Variants in ATP6V1E1 observed in about 807,000 individuals in gnomAD.
ATP6V1E1 encodes ATPase H+ transporting V1 subunit E1.
ATP6V1E1 carries 21 observed loss-of-function variants against 35.2 expected under a neutral mutation model. That is an observed-to-expected ratio of 0.60 (90% CI 0.42 to 0.86). The LOEUF is 0.86. ATP6V1E1 is among the 40% of genes least tolerant of loss of function. The pLI is 0.00. For missense variants in ATP6V1E1, 183 were observed against 272.6 expected (o/e 0.67, Z 2.32); for synonymous variants, 83 against 87.8 (o/e 0.95, Z 0.30).
chr22:17,608,858 G>A (rs1031181442), intron 4 of ATP6V1E1, among the ~76,000 whole-genome samples: 4 of 152,142 alleles, frequency 2.6e-5, no homozygotes, highest in African/African-American at 4.8e-5. Context: ...AGGCCGAGGC[G>A]GGCAGATCAC....
chr22:17,612,587 T>C, intron 4 of ATP6V1E1: 1 of 485,248 alleles, frequency 2.1e-6, no homozygotes, highest in Non-Finnish European at 3.7e-6. Flanking sequence ...GGTCCACCCA[T>C]AGTGTGTGCT....
rs35683311 is a variant in ATP6V1E1 at position 17,594,620 on chromosome 22, C to CAA, written c.531-6_531-5dup. On this transcript the variant is annotated splice_polypyrimidine_tract_variant and splice_region_variant and intron_variant, in intron 7 of 8. Transcript: ENST00000253413. ...ATAGATCTCAACTCCACCAGCTCTG[C>CAA]AAAAAAAAAAGCACAGGAAATAATC... The CAA allele has an allele frequency of 7.3e-5, 100 of 1,365,512 alleles. No homozygotes were observed. Among genetic ancestry groups the CAA allele is most frequent in the South Asian group, 2.8e-4 (19 of 67,318 alleles). The allele number at this position is 1,365,512 out of a possible 1,614,324, so 84.6% of individuals were successfully genotyped here.
intron 7 of ATP6V1E1, 122 bp downstream of exon 7, chr22:17,598,072 A>G: frequency 1.3e-6 from 1 of 752,310 alleles, no homozygotes; most frequent in Non-Finnish European, 2.3e-6. Flanking sequence ...AATACACCAC[A>G]GCTCTAGCCT....
chr22:17,606,283 C>T lies in ATP6V1E1; in HGVS notation c.277-5102G>A, dbSNP rs1189959757. The stretch of plus-strand genomic sequence containing the variant: ...TTCTAACTGCATGACAACTTCCTTT[C>T]CTTTCACAGCTTCTTATTCTATGGA... On this transcript the variant is annotated intron_variant, in intron 4 of 8. Coordinates refer to ENST00000253413, the MANE Select transcript of ATP6V1E1 (RefSeq NM_001696.4). Among the ~76,000 whole-genome samples the T allele has an allele frequency of 3.3e-5, 5 of 152,192 alleles. No individual in the cohort carries two copies. In the East Asian group the frequency reaches 7.7e-4, roughly 23 times the overall value.
rs1056456868 is a variant in ATP6V1E1, at chr22:17,592,447, T to C, written c.*227A>G. ...GTGCTGCAGAACCGGCTGGACACTGTCACACTTTCAGAAGAACTGGAGGTG... is the reference window on the plus strand; with the variant it reads ...GTGCTGCAGAACCGGCTGGACACTGCCACACTTTCAGAAGAACTGGAGGTG... On this transcript the variant is annotated 3_prime_UTR_variant, in exon 9 of 9. Transcript: ENST00000253413. 2.8e-5 allele frequency: 15 copies of C among 542,814 alleles called. No individual in the cohort carries two copies. Among genetic ancestry groups the C allele is most frequent in the African/African-American group, 2.7e-4 (14 of 52,234 alleles). The allele number at this position is 542,814 out of a possible 1,614,324, so 33.6% of individuals were successfully genotyped here.
chr22:17,608,777 C>T (rs569257457), intron 4 of ATP6V1E1, among the ~76,000 whole-genome samples: 13 of 152,172 alleles, frequency 8.5e-5, no homozygotes, highest in Non-Finnish European at 1.9e-4. Flanking sequence ...GGAAAACTAT[C>T]CTAAGTTGAA....
intron 8 of ATP6V1E1, among the ~76,000 whole-genome samples, chr22:17,594,194 T>C (rs2057719669): frequency 6.6e-6 from 1 of 152,068 alleles, no homozygotes. Flanking sequence ...AAACTCCATC[T>C]CAAAAAAGCA....
At chr22:17,605,325 G>C (rs1398392480) in intron 4 of ATP6V1E1, among the ~76,000 whole-genome samples, 1 of 152,024 alleles carries the variant, frequency 6.6e-6, no homozygotes, top group Non-Finnish European at 1.5e-5. Flanking sequence ...GAGGTCGGGA[G>C]TTTGAGACCG....
At chr22:17,621,865 T>G (rs960792416) in intron 1 of ATP6V1E1, among the ~76,000 whole-genome samples, 5 of 152,192 alleles carry the variant, frequency 3.3e-5, no homozygotes, top group African/African-American at 1.2e-4. Context: ...GCACCTAAAC[T>G]TGTAATTGTT....
intron 1 of ATP6V1E1, among the ~76,000 whole-genome samples, chr22:17,626,504 T>C (rs547117689): frequency 6.6e-6 from 1 of 151,780 alleles, no homozygotes; most frequent in South Asian, 2.1e-4. Context: ...CCTCCCTAAG[T>C]AGCTAGGAGC....
intron 2 of ATP6V1E1, among the ~76,000 whole-genome samples, chr22:17,614,632 A>G (rs1413266828): frequency 6.7e-6 from 1 of 150,350 alleles, no homozygotes. Context: ...AGATCACGCC[A>G]TTGCACTCCA....
intron 4 of ATP6V1E1, among the ~76,000 whole-genome samples, chr22:17,601,490 T>C (rs536562524): frequency 6.6e-6 from 1 of 152,204 alleles, no homozygotes; most frequent in East Asian, 1.9e-4. Flanking sequence ...AAAAGCAAGC[T>C]ATTAAACGGT....
intron 1 of ATP6V1E1, among the ~76,000 whole-genome samples, chr22:17,620,179 G>A (rs1237021265): frequency 4.9e-5 from 7 of 142,294 alleles, no homozygotes; most frequent in Admixed American, 7.4e-5. Flanking sequence ...ACAGAGTCTC[G>A]CTCTGCCACC....
chr22:17,611,463 A>C (rs1476888617), intron 4 of ATP6V1E1, among the ~76,000 whole-genome samples: 2 of 152,248 alleles, frequency 1.3e-5, no homozygotes, highest in Non-Finnish European at 2.9e-5. Context: ...TTATATTAGT[A>C]AATCATCTCT....
chr22:17,612,630 T>A (rs1425116773), intron 4 of ATP6V1E1, 182 bp downstream of exon 4: 1 of 586,064 alleles, frequency 1.7e-6, no homozygotes, highest in Non-Finnish European at 3.0e-6. Flanking sequence ...GCTCTTTAGA[T>A]CAGAAGGTCC....
At chr22:17,603,090 C>T (rs903936430) in intron 4 of ATP6V1E1, among the ~76,000 whole-genome samples, 7 of 152,284 alleles carry the variant, frequency 4.6e-5, no homozygotes, top group East Asian at 1.9e-4. Context: ...CTGAGTGTTA[C>T]AGGCGTGCGC....
chr22:17,617,320 T>G (rs1443297531), intron 2 of ATP6V1E1, among the ~76,000 whole-genome samples: 2 of 152,116 alleles, frequency 1.3e-5, no homozygotes, highest in African/African-American at 4.8e-5. Context: ...GACAGAGTCT[T>G]ACTCTGTCAC....
chr22:17,600,984 A>G (rs922646049), intron 5 of ATP6V1E1, 108 bp downstream of exon 5: 21 of 948,748 alleles, frequency 2.2e-5, no homozygotes, highest in Middle Eastern at 3.5e-4. Flanking sequence ...GAAAGGAAAA[A>G]AACTAGAGAA....
intron 2 of ATP6V1E1, among the ~76,000 whole-genome samples, chr22:17,618,826 C>G (rs1462034397): frequency 6.6e-6 from 1 of 151,916 alleles, no homozygotes; most frequent in Non-Finnish European, 1.5e-5. Flanking sequence ...ATGGTGAAAC[C>G]CTGTCTCTAC....
Sources: gnomAD v4.1 joint callset for allele counts (sites outside exome capture counted in the v4.1 genomes callset) on GRCh38, gnomAD v4.1.1 for gene constraint, MANE v1.5 for transcripts, NCBI Gene and HGNC (gene_info 2026-07-23, HGNC 2026-07-21) for gene names.